ITPKB: variants seen among roughly 807,000 people sequenced by gnomAD.
ITPKB encodes the protein inositol-trisphosphate 3-kinase B.
Under a neutral mutation model 69.4 loss-of-function variants are expected in ITPKB, and 13 were observed. That is an observed-to-expected ratio of 0.19 (90% CI 0.12 to 0.30). The LOEUF is 0.30. Among genes scored for constraint, ITPKB ranks in the 10% least tolerant of loss-of-function variants. The pLI is 1.00. For synonymous variants in ITPKB, 584 were observed against 513.7 expected (o/e 1.14, Z -1.85); for missense variants, 1,240 against 1,250.5 (o/e 0.99, Z 0.13).
chr1:226,736,617 G>A lies in ITPKB; in HGVS notation c.842C>T (p.Pro281Leu), dbSNP rs750215157. 6 of 1,613,634 alleles carry A rather than the reference G, an allele frequency of 3.7e-6. No individual in the cohort carries two copies. The highest frequency in any genetic ancestry group is 2.2e-5 in the East Asian group (1 of 44,886). The change falls in exon 2 of 8, where the codon CCT (proline) becomes CTT (leucine). Residue 281 changes from proline (P) to leucine (L), a missense_variant. Coordinates refer to ENST00000429204, the MANE Select transcript of ITPKB (RefSeq NM_002221.4). ...TAGGCAGCTCCGAGTTCCCGGGGTA[G>A]GAGAGCCCCTTTTGTCAATTTCCAT... Reference protein sequence around the residue: ...TAMEIDKRGSPTPGTRSCLAP... With the variant: ...TAMEIDKRGSLTPGTRSCLAP...
chr1:226,708,833 C>T (rs1298025597), intron 2 of ITPKB, among the ~76,000 whole-genome samples: 2 of 152,252 alleles, frequency 1.3e-5, no homozygotes, highest in African/African-American at 2.4e-5. Flanking sequence ...TTGCAGCTGA[C>T]AGCATCTTAA....
At chr1:226,709,629 G>A (rs1291629068) in intron 2 of ITPKB, among the ~76,000 whole-genome samples, 6 of 152,198 alleles carry the variant, frequency 3.9e-5, no homozygotes, top group African/African-American at 7.2e-5. Flanking sequence ...AGCAGAAGAC[G>A]TGATACTTCC....
chr1:226,677,775 C>T (rs890113961), intron 2 of ITPKB, among the ~76,000 whole-genome samples: 2 of 152,208 alleles, frequency 1.3e-5, no homozygotes, highest in African/African-American at 4.8e-5. Flanking sequence ...CAATGACTAC[C>T]ACTGAAAGAG....
At chr1:226,661,943 A>G (rs1669410416) in intron 2 of ITPKB, among the ~76,000 whole-genome samples, 1 of 152,212 alleles carries the variant, frequency 6.6e-6, no homozygotes, top group African/African-American at 2.4e-5. Context: ...GGCCACAGCC[A>G]GGAGGAAGTG....
Position 226,634,572 on chromosome 1 carries a change from G to T in ITPKB, c.*99C>A. ...AGTGTCTTGTAGTGCAGTTCAGGAG[G>T]GTCAGTCAGGTGTAAGTGAAGGAAA... On this transcript the variant is annotated 3_prime_UTR_variant, in exon 8 of 8. Transcript: ENST00000429204. The surrounding 1 kb of genome is among the most constrained non-coding windows in gnomAD (Gnocchi z 6.3). The T allele has an allele frequency of 1.5e-6, 1 of 656,334 alleles. No individual in the cohort carries two copies. Among genetic ancestry groups the T allele is most frequent in the East Asian group, 2.7e-5 (1 of 37,026 alleles). The allele number at this position is 656,334 out of a possible 1,614,324, so 40.7% of individuals were successfully genotyped here.
chr1:226,736,438 C>G lies in ITPKB; in HGVS notation c.1021G>C (p.Ala341Pro). 6.2e-7 allele frequency: 1 copy of G among 1,613,368 alleles called. No homozygotes were observed. The highest frequency in any genetic ancestry group is 8.5e-7 in the Non-Finnish European group (1 of 1,180,018). Residue 341 changes from alanine (A) to proline (P), a missense_variant, in exon 2 of 8, where the codon GCC (alanine) becomes CCC (proline). Physicochemically the swap from Ala to Pro is conservative, Grantham distance 27. This residue lies in a region of ITPKB where 992 missense variants were observed against 853.8 expected (regional missense o/e 1.16). Transcript: ENST00000429204. ...RELEDLQPPE[A>P]LVERQGQFLG... ...AACTGCCCCTGCCTCTCCACCAGGG[C>G]CTCTGGGGGCTGCAGGTCCTCAAGC...
chr1:226,681,489 C>T (rs1656093110), intron 2 of ITPKB, among the ~76,000 whole-genome samples: 1 of 152,156 alleles, frequency 6.6e-6, no homozygotes, highest in South Asian at 2.1e-4. Context: ...TTGGTAAGTG[C>T]AGAAAATTTG....
chr1:226,639,138 A>G (rs1571833946), intron 6 of ITPKB, among the ~76,000 whole-genome samples: 1 of 148,364 alleles, frequency 6.7e-6, no homozygotes, highest in Admixed American at 6.8e-5. Context: ...GCTCACTGCA[A>G]CCTCCGCCTC....
chr1:226,646,549 T>C (rs2102744564), intron 4 of ITPKB, among the ~76,000 whole-genome samples: 1 of 152,246 alleles, frequency 6.6e-6, no homozygotes, highest in Non-Finnish European at 1.5e-5. Context: ...GTCAGGAACC[T>C]GGGGGTGGGA....
chr1:226,638,783 C>A (rs10495246), intron 6 of ITPKB, among the ~76,000 whole-genome samples: 13,748 of 151,976 alleles, frequency 0.09, 699 homozygotes, highest in East Asian at 0.15. Context: ...AGCAGGTCTA[C>A]CCACAGCAGG....
At chr1:226,665,775 T>A (rs1011970454) in intron 2 of ITPKB, among the ~76,000 whole-genome samples, 1 of 152,196 alleles carries the variant, frequency 6.6e-6, no homozygotes, top group African/African-American at 2.4e-5. Flanking sequence ...CCTCTGCCTC[T>A]AATTAGTTAC....
chr1:226,693,510 T>C (rs910639494), intron 2 of ITPKB, among the ~76,000 whole-genome samples: 3 of 152,248 alleles, frequency 2.0e-5, no homozygotes, highest in Admixed American at 6.5e-5. Flanking sequence ...ATTTATGGTG[T>C]GCTCAGTATA....
intron 3 of ITPKB, 150 bp from the exon 4 acceptor site, chr1:226,647,530 A>G: frequency 1.6e-6 from 1 of 626,928 alleles, no homozygotes; most frequent in East Asian, 2.7e-5. Context: ...GAGCACCTTA[A>G]GGGGAGTGGG....
Position 226,637,803 on chromosome 1 carries a change from G to T in ITPKB, c.2554-53C>A. 7.3e-7 allele frequency: 1 copy of T among 1,366,896 alleles called. No homozygotes were observed. The highest frequency in any genetic ancestry group is 1.0e-6 in the Non-Finnish European group (1 of 961,230). The allele number at this position is 1,366,896 out of a possible 1,614,324, so 84.7% of individuals were successfully genotyped here. A position where few individuals can be genotyped will look rare whatever the true frequency, so the allele number is the denominator to read the frequency against. On this transcript the variant is annotated intron_variant, in intron 6 of 7. Transcript: ENST00000429204. The surrounding 1 kb of genome is among the most constrained non-coding windows in gnomAD (Gnocchi z 4.3). ...TAAGCGCCGCGTGGGGAAGGGCAGT[G>T]TCAGAACACCCATGCGGCCTCTAGT...
At chr1:226,715,142 T>C (rs947173718) in intron 2 of ITPKB, among the ~76,000 whole-genome samples, 1 of 152,196 alleles carries the variant, frequency 6.6e-6, no homozygotes, top group Admixed American at 6.5e-5. Flanking sequence ...GCATAATAGG[T>C]ATTAGGTATT....
chr1:226,675,848 T>C (rs1185563180), intron 2 of ITPKB, among the ~76,000 whole-genome samples: 1 of 152,176 alleles, frequency 6.6e-6, no homozygotes, highest in Non-Finnish European at 1.5e-5. Context: ...CTCAAACGCA[T>C]CCTCTCGGCT....
Position 226,682,714 on chromosome 1 carries a change from C to G in ITPKB, c.1933-33943G>C, listed in dbSNP as rs531450558. 3.0e-4 allele frequency among the ~76,000 whole-genome samples: 46 copies of G among 152,198 alleles called. No homozygotes were observed. In the East Asian group the frequency reaches 7.1e-3, roughly 24 times the overall value. ...CTGACAGTACCCTTCAGAGGGGACC[C>G]CTTTAGTGAATGAGATTCAGACTTC... On this transcript the variant is annotated intron_variant, in intron 2 of 7. Transcript: ENST00000429204.
chr1:226,731,386 A>G (rs1657584631), intron 2 of ITPKB, among the ~76,000 whole-genome samples: 1 of 152,232 alleles, frequency 6.6e-6, no homozygotes, highest in South Asian at 2.1e-4. Context: ...TGGCAAAGAG[A>G]TAGAAGATAG....
rs1668977533 is a variant in ITPKB, at chr1:226,642,259, A to G, written c.2247-134T>C. ...TGCAGTCAGCTCAGTGCCCTGAGTC[A>G]AGGCACGTCTTTCCGAGGGGACGGC... is the stretch of plus-strand genomic sequence containing the variant. On this transcript the variant is annotated intron_variant, in intron 4 of 7. Coordinates refer to ENST00000429204, the MANE Select transcript of ITPKB (RefSeq NM_002221.4). This position sits in a 1 kb window ranked among gnomAD's most constrained non-coding sequence, Gnocchi z 6.4. 6.0e-6 allele frequency: 4 copies of G among 668,944 alleles called. No homozygotes were observed. The highest frequency in any genetic ancestry group is 7.6e-6 in the Non-Finnish European group (3 of 392,696). 41.4% of individuals were successfully genotyped at this position (668,944 alleles called of 1,614,324 possible).
Sources: allele counts gnomAD v4.1 joint callset (sites outside exome capture counted in the v4.1 genomes callset), GRCh38; gene constraint gnomAD v4.1.1; regional missense constraint gnomAD v4.1.1; non-coding constraint Gnocchi (gnomAD v3.1); transcripts MANE v1.5; gene names NCBI Gene and HGNC (gene_info 2026-07-23, HGNC 2026-07-21).